GSG1L2: variants seen among roughly 807,000 people sequenced by gnomAD.
The protein encoded by GSG1L2 is germ cell-specific gene 1-like protein 2.
A neutral mutation model predicts 9.0 loss-of-function variants in GSG1L2; 15 were observed. The observed-to-expected ratio is 1.67, with a 90% confidence interval of 1.12 to 2.57. The LOEUF (loss-of-function observed/expected upper bound fraction) is 2.57, where lower values mean the gene tolerates loss of function less well. Among genes scored for constraint, GSG1L2 ranks in the 30% most tolerant of loss-of-function variants. GSG1L2 has a pLI of 0.00. For synonymous variants in GSG1L2, 127 were observed against 57.9 expected (o/e 2.19, Z -5.41); for missense variants, 286 against 150.3 (o/e 1.90, Z -4.72).
At chr17:9,803,195 C>T (rs191493262) in intron 4 of GSG1L2, among the ~76,000 whole-genome samples, 122 of 151,582 alleles carry the variant, frequency 8.0e-4, no homozygotes, top group Non-Finnish European at 1.6e-3. Context: ...CCTCTGCCTC[C>T]CGGTTCAAGC....
chr17:9,807,813 T>C lies in GSG1L2; in HGVS notation c.512-212A>G. On this transcript the variant is annotated intron_variant, in intron 3 of 4. Coordinates refer to ENST00000399363, the MANE Select transcript of GSG1L2 (RefSeq NM_001310219.2). The stretch of plus-strand genomic sequence containing the variant: ...GAAAGACACAATCGGGGAGGACCTG[T>C]CAGAACCTGGGTAGGAGTCTCCATG... 6 of 506,726 alleles carry C rather than the reference T, an allele frequency of 1.2e-5. 1 individual carries two copies. In the South Asian group the frequency reaches 1.3e-4, roughly 11 times the overall value. 31.4% of individuals were successfully genotyped at this position (506,726 alleles called of 1,614,324 possible).
At chr17:9,808,204 G>C (rs2066523465) in intron 3 of GSG1L2, among the ~76,000 whole-genome samples, 1 of 152,122 alleles carries the variant, frequency 6.6e-6, no homozygotes, top group African/African-American at 2.4e-5. Context: ...ACTAAAGGAA[G>C]TCATTTGTTC....
intron 4 of GSG1L2, chr17:9,803,857 G>C (rs948151174): frequency 6.6e-6 from 1 of 152,168 alleles, no homozygotes. Context: ...TCCTGGATGC[G>C]GCTGCAAACC....
intron 1 of GSG1L2, among the ~76,000 whole-genome samples, chr17:9,812,001 T>C (rs941838351): frequency 3.9e-5 from 6 of 152,282 alleles, no homozygotes; most frequent in Admixed American, 2.0e-4. Context: ...TTATCACTTA[T>C]CACTTATCCA....
At chr17:9,812,673 G>A (rs537041073) in intron 1 of GSG1L2, among the ~76,000 whole-genome samples, 1 of 152,214 alleles carries the variant, frequency 6.6e-6, no homozygotes, top group South Asian at 2.1e-4. Flanking sequence ...CACCCAGGCT[G>A]GAGTGCAGTG....
intron 1 of GSG1L2, among the ~76,000 whole-genome samples, chr17:9,816,745 C>T (rs2066566203): frequency 7.5e-6 from 1 of 132,846 alleles, no homozygotes; most frequent in African/African-American, 2.9e-5. Context: ...ATGTGTGTAT[C>T]TGTGTGTGTA....
intron 2 of GSG1L2, chr17:9,809,213 GC>G: frequency 1.9e-6 from 1 of 515,068 alleles, no homozygotes; most frequent in Non-Finnish European, 3.5e-6. Flanking sequence ...TGGGGTGGGG[GC>G]GGGGAAACTA....
rs1234097822 is a variant in GSG1L2, at chr17:9,802,445, A to G, written c.823T>C (p.Phe275Leu). The change falls in exon 5 of 5, where the codon TTC becomes CTC. Residue 275 changes from phenylalanine (F) to leucine (L), a missense_variant. By Grantham distance (22) the Phe-to-Leu change is conservative. Transcript: ENST00000399363. ...GAAPCPAEQA[F>L]RNVSGHLPPG... Reference sequence around the variant, plus strand: ...GGGAGGTGTCCAGAAACATTCCTGAAGGCTTGTTCAGCAGGGCAAGGAGCA... The same window carrying G: ...GGGAGGTGTCCAGAAACATTCCTGAGGGCTTGTTCAGCAGGGCAAGGAGCA... 1 of 700,424 alleles carries G rather than the reference A, an allele frequency of 1.4e-6. No homozygotes were observed. Among genetic ancestry groups the G allele is most frequent in the Admixed American group, 2.0e-5 (1 of 49,760 alleles). 43.4% of individuals were successfully genotyped at this position (700,424 alleles called of 1,614,324 possible).
intron 3 of GSG1L2, among the ~76,000 whole-genome samples, chr17:9,808,224 T>A (rs77284485): frequency 1.9e-3 from 295 of 152,232 alleles, no homozygotes; most frequent in African/African-American, 6.6e-3. Flanking sequence ...CAGGGTTCTT[T>A]CTCCCTGGAA....
chr17:9,803,756 G>C (rs1481256408), intron 4 of GSG1L2: 1 of 152,194 alleles, frequency 6.6e-6, no homozygotes, highest in Non-Finnish European at 1.5e-5. Context: ...CCCTGATGGA[G>C]GCACTATAAT....
rs1163726763 is a variant in GSG1L2, at chr17:9,809,095, T to G, written c.359-113A>C. The stretch of plus-strand genomic sequence containing the variant: ...AACAAAACATGAAAAACAGACACGC[T>G]GGAGTGAAAATCACAGATGCCTCTG... On this transcript the variant is annotated intron_variant, in intron 2 of 4. Transcript: ENST00000399363. 4 of 639,040 alleles carry G rather than the reference T, an allele frequency of 6.3e-6. No homozygotes were observed. In the African/African-American group the frequency reaches 7.2e-5, roughly 12 times the overall value. The allele number at this position is 639,040 out of a possible 1,614,324, so 39.6% of individuals were successfully genotyped here.
At chr17:9,804,447 G>A (rs886744632) in intron 4 of GSG1L2, 3 of 152,248 alleles carry the variant, frequency 2.0e-5, no homozygotes. Context: ...GGCAGGGAAG[G>A]GGGCTGGTCT....
In GSG1L2 at chr17:9,808,834, C is replaced by G. The variant is rs746950763; in HGVS notation, c.507G>C (p.Leu169=). 1 of 702,766 alleles carries G rather than the reference C, an allele frequency of 1.4e-6. No individual in the cohort carries two copies. The highest frequency in any genetic ancestry group is 2.6e-6 in the Non-Finnish European group (1 of 384,962). The allele number at this position is 702,766 out of a possible 1,614,324, so 43.5% of individuals were successfully genotyped here. ...AAGGATGCTGTTGGAAAGTACCTGCCAGCACCATGAAGATGGCTACCAAGG... is the reference window on the plus strand; with the variant it reads ...AAGGATGCTGTTGGAAAGTACCTGCGAGCACCATGAAGATGGCTACCAAGG... ...VDALVAIFMV[L]AGLLGMVAHM... Residue 169 remains leucine (L), a synonymous_variant, in exon 3 of 5, where the codon CTG becomes CTC. Transcript: ENST00000399363.
At chr17:9,803,587 T>TG (rs1307795388) in intron 4 of GSG1L2, among the ~76,000 whole-genome samples, 2 of 152,124 alleles carry the variant, frequency 1.3e-5, no homozygotes, top group Admixed American at 1.3e-4. Context: ...GGCTGTGTGG[T>TG]GGACAAAGAA....
Position 9,811,406 on chromosome 17 carries a change from TGA to T in GSG1L2, c.311-790_311-789del, listed in dbSNP as rs10586395. Among the ~76,000 whole-genome samples the T allele has an allele frequency of 2.2e-3, 330 of 152,272 alleles. 2 individuals are homozygous for T. Among genetic ancestry groups the T allele is most frequent in the African/African-American group, 7.4e-3 (308 of 41,538 alleles). On this transcript the variant is annotated intron_variant, in intron 1 of 4. Transcript: ENST00000399363. The stretch of plus-strand genomic sequence containing the variant: ...CAGGGGGATAGATACTCTTTGTATG[TGA>T]GTGTCATCTGTCAGGTTGCACACAT...
intron 1 of GSG1L2, among the ~76,000 whole-genome samples, chr17:9,812,430 C>T (rs2066542874): frequency 6.6e-6 from 1 of 152,040 alleles, no homozygotes; most frequent in South Asian, 2.1e-4. Flanking sequence ...CATCTTTTTG[C>T]CTCCCCAGCA....
At chr17:9,806,705 C>T (rs780756186) in intron 4 of GSG1L2, among the ~76,000 whole-genome samples, 5 of 152,126 alleles carry the variant, frequency 3.3e-5, no homozygotes, top group Non-Finnish European at 7.4e-5. Flanking sequence ...CAGTGATAGC[C>T]CCTCAGAACC....
chr17:9,821,163 C>A (rs927226050), intron 1 of GSG1L2, among the ~76,000 whole-genome samples: 1 of 152,136 alleles, frequency 6.6e-6, no homozygotes, highest in African/African-American at 2.4e-5. Context: ...GGTTTTGCGT[C>A]CCAAGCAGAA....
rs924735251 is a variant in GSG1L2 at position 9,817,477 on chromosome 17, T to A, written c.310+4285A>T. 4.0e-5 allele frequency among the ~76,000 whole-genome samples: 6 copies of A among 148,620 alleles called. No homozygotes were observed. The Admixed American group carries it at 4.1e-4, about 10-fold the overall frequency. On this transcript the variant is annotated intron_variant, in intron 1 of 4. Coordinates refer to ENST00000399363, the MANE Select transcript of GSG1L2 (RefSeq NM_001310219.2). ...TCTCACTCTGTCGCCCAGGCTGGAG[T>A]ACAGTGGTGCGATCTTGGATCACTG...
Sources: gnomAD v4.1 joint callset for allele counts (sites outside exome capture counted in the v4.1 genomes callset) on GRCh38, gnomAD v4.1.1 for gene constraint, MANE v1.5 for transcripts, NCBI Gene and HGNC (gene_info 2026-07-23, HGNC 2026-07-21) for gene names.